The following MGAT5 variants were observed in gnomAD, a reference collection of about 807,000 sequenced individuals.
MGAT5 encodes the protein alpha-1,6-mannosylglycoprotein 6-beta-N-acetylglucosaminyltransferase.
In MGAT5, 30 loss-of-function variants were observed where a neutral mutation model predicts 94.3. The ratio of observed to expected loss-of-function variants is 0.32; its 90% confidence interval spans 0.24 to 0.43. MGAT5 has a LOEUF of 0.43. Among genes scored for constraint, MGAT5 ranks in the 20% least tolerant of loss-of-function variants. MGAT5 has a pLI of 1.00. For synonymous variants in MGAT5, 310 were observed against 322.9 expected (o/e 0.96, Z 0.43); for missense variants, 691 against 905.5 (o/e 0.76, Z 3.04).
chr2:134,318,949 T>C (rs568444633), intron 4 of MGAT5, among the ~76,000 whole-genome samples: 3 of 152,312 alleles, frequency 2.0e-5, no homozygotes, highest in South Asian at 2.1e-4. Context: ...AGCTATTTCC[T>C]TTTTTTCTAG....
chr2:134,139,545 C>T (rs1349520185), intron 1 of MGAT5, among the ~76,000 whole-genome samples: 1 of 152,164 alleles, frequency 6.6e-6, no homozygotes, highest in Admixed American at 6.5e-5. Context: ...CATGCAAACA[C>T]ACCCAGCGGA....
intron 1 of MGAT5, among the ~76,000 whole-genome samples, chr2:134,128,277 GAGAA>G (rs1316160815): frequency 4.6e-5 from 7 of 152,034 alleles, no homozygotes; most frequent in African/African-American, 9.7e-5. Context: ...AAGAGAGAGA[GAGAA>G]AGAAGAAAGA....
chr2:134,179,513 GCAGA>G (rs562756464), intron 1 of MGAT5, among the ~76,000 whole-genome samples: 41,842 of 151,956 alleles, frequency 0.28, 7,974 homozygotes, highest in African/African-American at 0.53. Context: ...TTCAGTGTTT[GCAGA>G]GACTTTATAG....
At chr2:134,178,550 G>A (rs182531859) in intron 1 of MGAT5, among the ~76,000 whole-genome samples, 1 of 152,350 alleles carries the variant, frequency 6.6e-6, no homozygotes, top group East Asian at 1.9e-4. Context: ...TAGAAACCAG[G>A]TGGCAAGGGA....
intron 10 of MGAT5, among the ~76,000 whole-genome samples, chr2:134,379,461 T>C (rs1573963811): frequency 6.6e-6 from 1 of 152,222 alleles, no homozygotes; most frequent in Non-Finnish European, 1.5e-5. Flanking sequence ...CATCTGTAAC[T>C]TCCAATGGCT....
intron 12 of MGAT5, among the ~76,000 whole-genome samples, chr2:134,421,572 AAACTCTGTTTCAAAAAAAAAAAAT>A (rs891697741): frequency 2.6e-5 from 4 of 151,572 alleles, no homozygotes; most frequent in Non-Finnish European, 5.9e-5. Context: ...TGACAAAGCA[AAACTCTGTTTCAAAAAAAAAAAAT>A]AAAAAACTAG....
chr2:134,154,080 G>A (rs1448535963), intron 1 of MGAT5, among the ~76,000 whole-genome samples: 1 of 152,098 alleles, frequency 6.6e-6, no homozygotes, highest in African/African-American at 2.4e-5. Flanking sequence ...TTGTAAATAA[G>A]AGCCATAGCA....
chr2:134,344,807 C>A, intron 7 of MGAT5, 123 bp from the exon 8 acceptor site: 2 of 1,097,342 alleles, frequency 1.8e-6, no homozygotes, highest in Non-Finnish European at 2.6e-6. Flanking sequence ...TTGAAAGGGC[C>A]ATGCTGTCAT....
chr2:134,295,471 A>G (rs762609116), intron 2 of MGAT5, among the ~76,000 whole-genome samples: 22 of 152,188 alleles, frequency 1.4e-4, no homozygotes, highest in Admixed American at 2.6e-4. Flanking sequence ...AAAATCTTCA[A>G]TGATGTTGAA....
intron 3 of MGAT5, among the ~76,000 whole-genome samples, 168 bp downstream of exon 3, chr2:134,317,773 T>C (rs1687083495): frequency 6.6e-6 from 1 of 152,190 alleles, no homozygotes; most frequent in African/African-American, 2.4e-5. Flanking sequence ...ACAACCCTGC[T>C]ATGCCTATGT....
At chr2:134,137,819 C>T (rs16830103) in intron 1 of MGAT5, among the ~76,000 whole-genome samples, 2,459 of 150,770 alleles carry the variant, frequency 0.016, 47 homozygotes, top group African/African-American at 0.046. Context: ...TATATTCTTA[C>T]TGTTTAAAGA....
At chr2:134,283,826 G>A (rs1684851590) in intron 2 of MGAT5, among the ~76,000 whole-genome samples, 2 of 151,764 alleles carry the variant, frequency 1.3e-5, no homozygotes, top group Admixed American at 6.6e-5. Context: ...GCTTCCCCCG[G>A]CCGCTGGGTT....
intron 10 of MGAT5, among the ~76,000 whole-genome samples, chr2:134,369,759 A>ATGTGTGTGTGTGTGTGTG (rs1680668337): frequency 1.4e-4 from 6 of 41,808 alleles, no homozygotes; most frequent in Admixed American, 8.7e-4. Flanking sequence ...GTGTGTGTGA[A>ATGTGTGTGTGTGTGTGTG]TGACAGACTT....
chr2:134,295,732 A>C (rs1404325704), intron 2 of MGAT5, among the ~76,000 whole-genome samples: 2 of 152,282 alleles, frequency 1.3e-5, no homozygotes, highest in Non-Finnish European at 1.5e-5. Context: ...CAGCTTTGCT[A>C]CCTGACAGGA....
chr2:134,251,409 A>C (rs1432167388), upstream of MGAT5, among the ~76,000 whole-genome samples: 2 of 152,202 alleles, frequency 1.3e-5, no homozygotes, highest in Admixed American at 1.3e-4. Flanking sequence ...GCCTGCAGTT[A>C]GAAGGGCTGA....
rs994178456 is a variant in MGAT5 at position 134,451,861 on chromosome 2, A to T, written c.*3014A>T. 4 of 152,208 alleles carry T rather than the reference A, an allele frequency of 2.6e-5. No individual in the cohort carries two copies. The highest frequency in any genetic ancestry group is 9.6e-5 in the African/African-American group (4 of 41,458). 9.4% of individuals were successfully genotyped at this position (152,208 alleles called of 1,614,324 possible). ...AACACCGCATTTATTTTGTGTATGC[A>T]GTTTGATTTGCACATGTATAAATGG... On this transcript the variant is annotated 3_prime_UTR_variant, in exon 16 of 16. Transcript: ENST00000281923.
At position 134,454,354 on chromosome 2, in the gene MGAT5, A is replaced by T. The variant is rs1240609513; in HGVS notation, c.*5507A>T. ...ATTAATAGCATAATAGTTGATGCCA[A>T]AGGAGATGGTGACGTCCCTTCCACT... On this transcript the variant is annotated 3_prime_UTR_variant, in exon 16 of 16. Transcript: ENST00000281923. The T allele has an allele frequency of 6.6e-6, 1 of 152,188 alleles. No homozygotes were observed. The highest frequency in any genetic ancestry group is 2.4e-5 in the African/African-American group (1 of 41,446). The allele number at this position is 152,188 out of a possible 1,614,324, so 9.4% of individuals were successfully genotyped here.
chr2:134,145,000 A>G (rs924749406), intron 1 of MGAT5, among the ~76,000 whole-genome samples: 2 of 152,206 alleles, frequency 1.3e-5, no homozygotes, highest in Non-Finnish European at 2.9e-5. Context: ...TTTAAAAGTG[A>G]TCACAAACCA....
At chr2:134,445,090 A>G (rs527918084) in intron 15 of MGAT5, among the ~76,000 whole-genome samples, 5 of 152,158 alleles carry the variant, frequency 3.3e-5, no homozygotes, top group Non-Finnish European at 5.9e-5. Flanking sequence ...ATGTTAAATT[A>G]TTGGCAACTG....
Sources: allele counts gnomAD v4.1 joint callset (sites outside exome capture counted in the v4.1 genomes callset), GRCh38; gene constraint gnomAD v4.1.1; transcripts MANE v1.5; gene names NCBI Gene and HGNC (gene_info 2026-07-23, HGNC 2026-07-21).